The following ZNF587B variants were observed in gnomAD, a reference collection of about 807,000 sequenced individuals.
ZNF587B encodes the protein zinc finger protein 587B.
Under a neutral mutation model 7.2 loss-of-function variants are expected in ZNF587B, and 6 were observed. That is an observed-to-expected ratio of 0.83 (90% CI 0.46 to 1.65). ZNF587B has a LOEUF of 1.65. Ranked by LOEUF, ZNF587B falls within the 40% of genes most tolerant of loss-of-function variation. ZNF587B has a pLI of 0.01. For missense variants in ZNF587B, 749 were observed against 761.0 expected (o/e 0.98, Z 0.19); for synonymous variants, 274 against 254.3 (o/e 1.08, Z -0.74).
intron 2 of ZNF587B, 134 bp from the exon 3 acceptor site, chr19:57,840,704 C>A (rs1988806794): frequency 6.4e-7 from 1 of 1,574,038 alleles, no homozygotes. Context: ...CACCATCTTC[C>A]ATCTGAAGCC....
rs1172127746 is a variant in ZNF587B, at chr19:57,844,320, T to C, written c.*1744T>C. The C allele has an allele frequency of 1.9e-5, 7 of 362,224 alleles. No individual in the cohort carries two copies. The highest frequency in any genetic ancestry group is 3.8e-5 in the Non-Finnish European group (7 of 182,798). 22.4% of individuals were successfully genotyped at this position (362,224 alleles called of 1,614,324 possible). On this transcript the variant is annotated 3_prime_UTR_variant, in exon 3 of 3. Transcript: ENST00000594901. The stretch of plus-strand genomic sequence containing the variant: ...GAGTTCAAGACCAGCCTGGGCAATA[T>C]AGTGAAATCCTGTCTCTTCTAAAAA...
In ZNF587B at chr19:57,836,574, T is replaced by A. The variant is rs146503969; in HGVS notation, c.37-2449T>A. The stretch of plus-strand genomic sequence containing the variant: ...TCTTGCCTTGTCGTCCAGGCTGTTC[T>A]TGAACTCCTACGATCAAGCAGTGCT... On this transcript the variant is annotated intron_variant, in intron 1 of 2. Coordinates refer to ENST00000594901, the MANE Select transcript of ZNF587B (RefSeq NM_001376223.1). Among the ~76,000 whole-genome samples, 1,368 of 152,246 alleles carry A rather than the reference T, an allele frequency of 9.0e-3. 27 individuals carry two copies. The highest frequency in any genetic ancestry group is 0.031 in the African/African-American group (1,283 of 41,526).
At chr19:57,837,112 C>T (rs1396224028) in intron 1 of ZNF587B, among the ~76,000 whole-genome samples, 1 of 152,126 alleles carries the variant, frequency 6.6e-6, no homozygotes, top group Non-Finnish European at 1.5e-5. Flanking sequence ...TGGCATCCTC[C>T]TGAGGGAATC....
chr19:57,830,672 T>C (rs1454617377), intron 1 of ZNF587B, 108 bp downstream of exon 1: 3 of 1,293,210 alleles, frequency 2.3e-6, no homozygotes, highest in African/African-American at 1.5e-5. Context: ...CAGCAGATGC[T>C]GAGTTTTTAT....
intron 1 of ZNF587B, among the ~76,000 whole-genome samples, chr19:57,838,543 G>A (rs1988717411): frequency 6.6e-6 from 1 of 152,224 alleles, no homozygotes; most frequent in Non-Finnish European, 1.5e-5. Context: ...AGAGGTTGCA[G>A]TGAGCCGAGA....
At position 57,842,053 on chromosome 19, in the gene ZNF587B, A is replaced by C; in HGVS notation, c.1379A>C (p.His460Pro). The C allele has an allele frequency of 6.3e-7, 1 of 1,589,708 alleles. No individual in the cohort carries two copies. Among genetic ancestry groups the C allele is most frequent in the Non-Finnish European group, 8.6e-7 (1 of 1,167,678 alleles). Residue 460 changes from histidine to proline, a missense_variant, in exon 3 of 3, where the codon CAT (histidine) becomes CCT (proline). By Grantham distance (77) the His-to-Pro change is moderately conservative. Transcript: ENST00000594901. ...AACCTCATTCTACACCAGCATGGCCATACTAGAAAAAGGCCTTATATGTGT... is the reference window on the plus strand; with the variant it reads ...AACCTCATTCTACACCAGCATGGCCCTACTAGAAAAAGGCCTTATATGTGT... The part of the protein sequence containing the change: ...KGNLILHQHG[H>P]TRKRPYMCWE...
At chr19:57,840,047 C>CCTGGGCAA (rs1051236746) in intron 2 of ZNF587B, among the ~76,000 whole-genome samples, 3 of 137,806 alleles carry the variant, frequency 2.2e-5, no homozygotes, top group Admixed American at 1.6e-4. Flanking sequence ...TGCACTCCAG[C>CCTGGGCAA]CTGGGCAACA....
In ZNF587B at chr19:57,843,589, TGTTTTTTTTTG is replaced by T. The variant is rs1355925218; in HGVS notation, c.*1014_*1024del. ...TTGGTTGGTTGGTTGGTTGGTTGGTTGTTTTTTTTTGTTTTTTTTTTTTTTTTTTTTGGAGA... is the reference window on the plus strand; with the variant it reads ...TTGGTTGGTTGGTTGGTTGGTTGGTTTTTTTTTTTTTTTTTTTTTTGGAGA... On this transcript the variant is annotated 3_prime_UTR_variant, in exon 3 of 3. Coordinates refer to ENST00000594901, the MANE Select transcript of ZNF587B (RefSeq NM_001376223.1). The T allele has an allele frequency of 2.3e-3, 1,891 of 832,412 alleles. 50 individuals carry two copies. The highest frequency in any genetic ancestry group is 8.9e-3 in the African/African-American group (305 of 34,116). The allele number at this position is 832,412 out of a possible 1,614,324, so 51.6% of individuals were successfully genotyped here. A position where few individuals can be genotyped will look rare whatever the true frequency, so the allele number is the denominator to read the frequency against.
In ZNF587B at chr19:57,841,263, T is replaced by G. The variant is rs775463798; in HGVS notation, c.589T>G (p.Ser197Ala). ...GGAGGCCAGTCACACTGGGGAGAAG[T>G]CAAACAGCAAAACTGAGTGTGTGTC... The part of the protein sequence containing the change: ...QQEASHTGEK[S>A]NSKTECVSPF... The change falls in exon 3 of 3, where the codon TCA (serine) becomes GCA (alanine). Residue 197 changes from serine (S) to alanine (A), a missense_variant. Ser to Ala is a moderately conservative substitution (Grantham distance 99, BLOSUM62 1). Coordinates refer to ENST00000594901, the MANE Select transcript of ZNF587B (RefSeq NM_001376223.1). 2.5e-5 allele frequency: 41 copies of G among 1,613,924 alleles called. No homozygotes were observed. In the East Asian group the frequency reaches 7.1e-4, roughly 28 times the overall value.
intron 1 of ZNF587B, among the ~76,000 whole-genome samples, chr19:57,837,980 AC>A (rs896263021): frequency 6.6e-6 from 1 of 152,136 alleles, no homozygotes; most frequent in African/African-American, 2.4e-5. Context: ...GGAGATTTCA[AC>A]CCACACTAGT....
rs1270171200 is a variant in ZNF587B at position 57,845,752 on chromosome 19, G to T, written c.*3176G>T. On this transcript the variant is annotated 3_prime_UTR_variant, in exon 3 of 3. Transcript: ENST00000594901. Reference sequence around the variant, plus strand: ...GTATAGGCTGAGCATCATGGCTCATGCCTGTATTCCCAGCACTTTGGGAGG... The same window carrying T: ...GTATAGGCTGAGCATCATGGCTCATTCCTGTATTCCCAGCACTTTGGGAGG... 1 of 152,196 alleles carries T rather than the reference G, an allele frequency of 6.6e-6. No individual in the cohort carries two copies. Among genetic ancestry groups the T allele is most frequent in the Non-Finnish European group, 1.5e-5 (1 of 68,040 alleles). The allele number at this position is 152,196 out of a possible 1,614,324, so 9.4% of individuals were successfully genotyped here.
At position 57,843,494 on chromosome 19, in the gene ZNF587B, T is replaced by C; in HGVS notation, c.*918T>C. ...AGGTACCCACATTGCATCATTCACC[T>C]ATTTCGTATTCTAGAAGTATATTTT... On this transcript the variant is annotated 3_prime_UTR_variant, in exon 3 of 3. Transcript: ENST00000594901. 9.1e-6 allele frequency: 9 copies of C among 985,302 alleles called. No individual in the cohort carries two copies. The highest frequency in any genetic ancestry group is 1.1e-5 in the Non-Finnish European group (9 of 829,890). The allele number at this position is 985,302 out of a possible 1,614,324, so 61.0% of individuals were successfully genotyped here. A position where few individuals can be genotyped will look rare whatever the true frequency, so the allele number is the denominator to read the frequency against.
Position 57,844,448 on chromosome 19 carries a change from G to A in ZNF587B, c.*1872G>A. The A allele has an allele frequency of 3.7e-6, 1 of 269,644 alleles. No individual in the cohort carries two copies. The highest frequency in any genetic ancestry group is 2.9e-5 in the South Asian group (1 of 34,256). 16.7% of individuals were successfully genotyped at this position (269,644 alleles called of 1,614,324 possible). A position where few individuals can be genotyped will look rare whatever the true frequency, so the allele number is the denominator to read the frequency against. ...CCCCGGGAGGTAGAGGTTGCAGTGA[G>A]CTGAGATCATGCCACTGCACTCCAG... On this transcript the variant is annotated 3_prime_UTR_variant, in exon 3 of 3. Coordinates refer to ENST00000594901, the MANE Select transcript of ZNF587B (RefSeq NM_001376223.1).
chr19:57,844,052 CTT>C lies in ZNF587B; in HGVS notation c.*1481_*1482del, dbSNP rs1988981653. 6.6e-6 allele frequency among the ~76,000 whole-genome samples: 1 copy of C among 152,100 alleles called. No homozygotes were observed. Among genetic ancestry groups the C allele is most frequent in the East Asian group, 1.9e-4 (1 of 5,184 alleles). ...CGTGGCATAAGTCACCATGCTGGGA[CTT>C]TTTTATTTCTTTAATTTTTAATTCC... is the stretch of plus-strand genomic sequence containing the variant. On this transcript the variant is annotated 3_prime_UTR_variant, in exon 3 of 3. Coordinates refer to ENST00000594901, the MANE Select transcript of ZNF587B (RefSeq NM_001376223.1).
In ZNF587B at chr19:57,841,302, G is replaced by C. The variant is rs1236169106; in HGVS notation, c.628G>C (p.Gly210Arg). The C allele has an allele frequency of 1.9e-6, 3 of 1,613,756 alleles. No homozygotes were observed. Among genetic ancestry groups the C allele is most frequent in the East Asian group, 2.2e-5 (1 of 44,870 alleles). ...KTECVSPFQC[G>R]GAHYSHGDSM... is the part of the protein sequence containing the mutation. ...TGAGTGTGTGTCTCCCTTTCAGTGTGGGGGAGCTCACTATAGCCATGGAGA... is the reference window on the plus strand; with the variant it reads ...TGAGTGTGTGTCTCCCTTTCAGTGTCGGGGAGCTCACTATAGCCATGGAGA... Residue 210 changes from glycine to arginine, a missense_variant, in exon 3 of 3, where the codon GGG (glycine) becomes CGG (arginine). This residue lies in a region of ZNF587B where 656 missense variants were observed against 596.5 expected (regional missense o/e 1.10). Coordinates refer to ENST00000594901, the MANE Select transcript of ZNF587B (RefSeq NM_001376223.1).
chr19:57,841,880 C>T lies in ZNF587B; in HGVS notation c.1206C>T (p.Arg402=), dbSNP rs758766053. 27 of 1,613,672 alleles carry T rather than the reference C, an allele frequency of 1.7e-5. No individual in the cohort carries two copies. In the South Asian group the frequency reaches 2.9e-4, roughly 17 times the overall value. ...ISKGHLRIHQ[R]MHTGERPYKC... ...AGGGGCACCTTAGGATCCATCAGCG[C>T]ATGCACACTGGAGAAAGACCTTACA... The change falls in exon 3 of 3, where the codon CGC becomes CGT. Residue 402 remains arginine, a synonymous_variant. Transcript: ENST00000594901.
chr19:57,830,497 C>G lies in ZNF587B; in HGVS notation c.-32C>G. ...CATATCTCCTGGCTGGTCACCCTCT[C>G]CTCCCAACCCTGCTTTAAACCACGT... On this transcript the variant is annotated 5_prime_UTR_variant, in exon 1 of 3. Transcript: ENST00000594901. 6.5e-7 allele frequency: 1 copy of G among 1,548,500 alleles called. No individual in the cohort carries two copies. The highest frequency in any genetic ancestry group is 8.7e-7 in the Non-Finnish European group (1 of 1,146,950).
At chr19:57,840,075 C>CAAAAAAAAAAAAAAAAAAAAAA (rs774635301) in intron 2 of ZNF587B, among the ~76,000 whole-genome samples, 2 of 81,110 alleles carry the variant, frequency 2.5e-5, no homozygotes, top group African/African-American at 9.0e-5. Flanking sequence ...ACTCTGTCTC[C>CAAAAAAAAAAAAAAAAAAAAAA]AAAAAAAAAA....
At chr19:57,838,940 C>G in intron 1 of ZNF587B, 83 bp from the exon 2 acceptor site, 1 of 1,477,998 alleles carries the variant, frequency 6.8e-7, no homozygotes, top group South Asian at 1.2e-5. Context: ...GGAGGATGTG[C>G]GAGAGTAGAT....
Sources: gnomAD v4.1 joint callset for allele counts (sites outside exome capture counted in the v4.1 genomes callset) on GRCh38, gnomAD v4.1.1 for gene constraint, gnomAD v4.1.1 regional missense constraint, MANE v1.5 for transcripts, NCBI Gene and HGNC (gene_info 2026-07-23, HGNC 2026-07-21) for gene names.